The following UCHL3 variants were observed in gnomAD, a reference collection of about 807,000 sequenced individuals.
UCHL3 encodes ubiquitin carboxyl-terminal hydrolase isozyme L3.
In UCHL3, 22 loss-of-function variants were observed where a neutral mutation model predicts 35.8. The observed-to-expected ratio is 0.61, with a 90% CI of 0.44 to 0.88. UCHL3 has a LOEUF of 0.88. UCHL3 is among the 40% of genes least tolerant of loss of function. The pLI is 0.00. For synonymous variants in UCHL3, 90 were observed against 92.8 expected, an observed-to-expected ratio of 0.97 and a Z score of 0.17; for missense variants, 229 against 276.9, an observed-to-expected ratio of 0.83 and a Z score of 1.23.
chr13:75,579,245 G>C (rs1158735562), intron 6 of UCHL3, among the ~76,000 whole-genome samples: 1 of 152,030 alleles, frequency 6.6e-6, no homozygotes, highest in Non-Finnish European at 1.5e-5. Context: ...CGATTATCTT[G>C]TAAGAATCAG....
At position 75,592,427 on chromosome 13, in the gene UCHL3, T is replaced by TATACATATAC. The variant is rs1555276711; in HGVS notation, c.475-2485_475-2484insCATATACATA. 2.3e-4 allele frequency among the ~76,000 whole-genome samples: 17 copies of TATACATATAC among 72,380 alleles called. 1 individual carries two copies. Among genetic ancestry groups the TATACATATAC allele is most frequent in the African/African-American group, 7.8e-4 (15 of 19,310 alleles). The allele number at this position is 72,380 out of a possible 152,430, so 47.5% of individuals were successfully genotyped here. A position where few individuals can be genotyped will look rare whatever the true frequency, so the allele number is the denominator to read the frequency against. On this transcript the variant is annotated intron_variant, in intron 6 of 8. Transcript: ENST00000377595. ...TTAATTTTTCCTTCATATATATATA[T>TATACATATAC]ATATATATATATATATATATATATA... is the stretch of plus-strand genomic sequence containing the variant.
At chr13:75,590,490 T>G (rs920874030) in intron 6 of UCHL3, among the ~76,000 whole-genome samples, 2 of 152,038 alleles carry the variant, frequency 1.3e-5, no homozygotes, top group Non-Finnish European at 2.9e-5. Flanking sequence ...CAACAAATGC[T>G]GTGTACCTTC....
chr13:75,595,613 A>AAG (rs2032626071), intron 7 of UCHL3, among the ~76,000 whole-genome samples: 1 of 144,250 alleles, frequency 6.9e-6, no homozygotes, highest in Admixed American at 6.9e-5. Flanking sequence ...AAAAAAAAAA[A>AAG]AAAAAAAAAA....
At chr13:75,581,894 G>A (rs2032197335) in intron 6 of UCHL3, among the ~76,000 whole-genome samples, 1 of 152,104 alleles carries the variant, frequency 6.6e-6, no homozygotes, top group Admixed American at 6.5e-5. Flanking sequence ...TTTTTGAACT[G>A]GTTTTAAGTT....
intron 3 of UCHL3, among the ~76,000 whole-genome samples, chr13:75,565,525 G>T (rs1258324304): frequency 6.6e-6 from 1 of 152,098 alleles, no homozygotes; most frequent in Non-Finnish European, 1.5e-5. Context: ...TTCTTTTATT[G>T]CAGGGGATCA....
At chr13:75,593,067 A>G (rs994128118) in intron 6 of UCHL3, among the ~76,000 whole-genome samples, 3 of 152,174 alleles carry the variant, frequency 2.0e-5, no homozygotes, top group African/African-American at 7.2e-5. Flanking sequence ...AATAGAAGCT[A>G]TAAGATGTGT....
chr13:75,567,877 G>A (rs2031735017), intron 5 of UCHL3, among the ~76,000 whole-genome samples: 1 of 152,052 alleles, frequency 6.6e-6, no homozygotes, highest in African/African-American at 2.4e-5. Context: ...AATATCTTAT[G>A]ATTGACTATT....
chr13:75,554,197 G>C (rs947357393), intron 2 of UCHL3, among the ~76,000 whole-genome samples: 1 of 152,174 alleles, frequency 6.6e-6, no homozygotes, highest in Non-Finnish European at 1.5e-5. Flanking sequence ...CAAGTAGGTA[G>C]GATACAAGCT....
At chr13:75,593,281 C>A (rs2032560319) in intron 6 of UCHL3, among the ~76,000 whole-genome samples, 1 of 151,956 alleles carries the variant, frequency 6.6e-6, no homozygotes, top group Non-Finnish European at 1.5e-5. Context: ...CTAGGTTTAG[C>A]CTTAAAAAAT....
intron 6 of UCHL3, among the ~76,000 whole-genome samples, chr13:75,573,195 C>T (rs980240111): frequency 1.4e-5 from 2 of 146,472 alleles, no homozygotes; most frequent in East Asian, 2.0e-4. Flanking sequence ...ACTCGGGAGG[C>T]GGAGGTTGCA....
Position 75,605,060 on chromosome 13 carries a change from A to G in UCHL3, c.609+233A>G, listed in dbSNP as rs1256893366. The G allele has an allele frequency of 8.2e-6, 3 of 365,734 alleles. No individual in the cohort carries two copies. The East Asian group carries it at 1.2e-4, about 15-fold the overall frequency. The allele number at this position is 365,734 out of a possible 1,614,324, so 22.7% of individuals were successfully genotyped here. A position where few individuals can be genotyped will look rare whatever the true frequency, so the allele number is the denominator to read the frequency against. ...TTGAAAAGGCAAGAATAGTATTGAA[A>G]GACTTGCTCATTATATCCGAGATTT... is the stretch of plus-strand genomic sequence containing the variant. On this transcript the variant is annotated intron_variant, in intron 8 of 8. Coordinates refer to ENST00000377595, the MANE Select transcript of UCHL3 (RefSeq NM_006002.5).
intron 6 of UCHL3, among the ~76,000 whole-genome samples, chr13:75,594,037 T>G (rs992292716): frequency 6.6e-6 from 1 of 152,244 alleles, no homozygotes; most frequent in African/African-American, 2.4e-5. Flanking sequence ...TGTATTTCAT[T>G]TCAAACCATT....
At chr13:75,550,720 GT>G (rs10581965) in intron 2 of UCHL3, among the ~76,000 whole-genome samples, 64,321 of 138,220 alleles carry the variant, frequency 0.47, 14,939 homozygotes, top group East Asian at 0.59. Flanking sequence ...ATTTTACCCT[GT>G]TTTTTTTTTT....
chr13:75,584,886 A>T (rs931108421), intron 6 of UCHL3, among the ~76,000 whole-genome samples: 35 of 152,304 alleles, frequency 2.3e-4, no homozygotes, highest in African/African-American at 8.2e-4. Context: ...ATGTGAAGAT[A>T]AATCACTGGA....
At chr13:75,586,458 A>ACAAAT (rs61459966) in intron 6 of UCHL3, among the ~76,000 whole-genome samples, 86,834 of 151,192 alleles carry the variant, frequency 0.57, 26,673 homozygotes, top group Non-Finnish European at 0.69. Context: ...AATCAATAAA[A>ACAAAT]AGATACAGAA....
intron 6 of UCHL3, among the ~76,000 whole-genome samples, chr13:75,592,065 G>C (rs2032490543): frequency 6.6e-6 from 1 of 151,900 alleles, no homozygotes; most frequent in African/African-American, 2.4e-5. Context: ...AAAACATTTA[G>C]AACAGTGCCT....
chr13:75,592,468 G>GTATATATGTATATATATATATATATAT (rs1201744829), intron 6 of UCHL3, among the ~76,000 whole-genome samples: 7 of 23,314 alleles, frequency 3.0e-4, no homozygotes, highest in Non-Finnish European at 4.0e-4. Flanking sequence ...ATATATATAT[G>GTATATATGTATATATATATATATATAT]AAGGAAAAAA....
chr13:75,552,066 C>T (rs2031130303), intron 2 of UCHL3, among the ~76,000 whole-genome samples: 1 of 152,140 alleles, frequency 6.6e-6, no homozygotes, highest in South Asian at 2.1e-4. Context: ...ATGATATAAA[C>T]AGACAAACAA....
intron 2 of UCHL3, among the ~76,000 whole-genome samples, chr13:75,552,325 C>G (rs1275820201): frequency 6.6e-6 from 1 of 152,196 alleles, no homozygotes; most frequent in African/African-American, 2.4e-5. Context: ...TAAACCCTAA[C>G]AGCAATATCC....
Sources: gnomAD v4.1 joint callset for allele counts (sites outside exome capture counted in the v4.1 genomes callset) on GRCh38, gnomAD v4.1.1 for gene constraint, MANE v1.5 for transcripts, NCBI Gene and HGNC (gene_info 2026-07-23, HGNC 2026-07-21) for gene names.